The following PKDREJ variants were observed in gnomAD, a reference collection of about 807,000 sequenced individuals.
PKDREJ encodes the protein polycystin family receptor for egg jelly.
For synonymous variants in PKDREJ, 1,031 were observed against 1,095.5 expected, an observed-to-expected ratio of 0.94 and a Z score of 1.16; for missense variants, 2,507 against 2,807.2, an observed-to-expected ratio of 0.89 and a Z score of 2.42.
chr22:46,262,820 G>C lies in PKDREJ; in HGVS notation c.503C>G (p.Ala168Gly). 1 of 1,251,692 alleles carries C rather than the reference G, an allele frequency of 8.0e-7. No individual in the cohort carries two copies. The highest frequency in any genetic ancestry group is 1.0e-6 in the Non-Finnish European group (1 of 991,976). The allele number at this position is 1,251,692 out of a possible 1,614,324, so 77.5% of individuals were successfully genotyped here. A position where few individuals can be genotyped will look rare whatever the true frequency, so the allele number is the denominator to read the frequency against. The change falls in exon 1 of 1, where the codon GCG (alanine) becomes GGG (glycine). Residue 168 changes from alanine (A) to glycine (G), a missense_variant. Transcript: ENST00000253255. This position sits in a 1 kb window ranked among gnomAD's most constrained non-coding sequence, Gnocchi z 8.1. ...PAARVSPRSA[A>G]PGPRPQQGFV... The stretch of plus-strand genomic sequence containing the variant: ...GCCCTGCTGGGGCCGCGGGCCTGGC[G>C]CGGCGGAGCGCGGGGAGACGCGGGC...
Position 46,262,374 on chromosome 22 carries a change from T to G in PKDREJ, c.949A>C (p.Lys317Gln). 2.5e-6 allele frequency: 4 copies of G among 1,614,156 alleles called. No individual in the cohort carries two copies. Among genetic ancestry groups the G allele is most frequent in the Non-Finnish European group, 3.4e-6 (4 of 1,180,022 alleles). Residue 317 changes from lysine (K) to glutamine (Q), a missense_variant, in exon 1 of 1, where the codon AAG becomes CAG. Physicochemically the swap from Lys to Gln is moderately conservative, Grantham distance 53 (BLOSUM62 1). Coordinates refer to ENST00000253255, the MANE Select transcript of PKDREJ (RefSeq NM_006071.2). This position sits in a 1 kb window ranked among gnomAD's most constrained non-coding sequence, Gnocchi z 8.1. ...FTVSITTGNP[K>Q]MPEVKDSDAV... is the part of the protein sequence containing the mutation. ...TCCGAGTCTTTCACCTCGGGCATCT[T>G]GGGGTTCCCTGTGGTGATGGACACC...
rs747011145 is a variant in PKDREJ, at chr22:46,258,282, G to C, written c.5041C>G (p.Arg1681Gly). The change falls in exon 1 of 1, where the codon CGA becomes GGA. Residue 1681 changes from arginine to glycine, a missense_variant. Coordinates refer to ENST00000253255, the MANE Select transcript of PKDREJ (RefSeq NM_006071.2). The surrounding 1 kb of genome is among the most constrained non-coding windows in gnomAD (Gnocchi z 6.1). ...QRIHDQIVRI[R>G]GTRMYQPLTE... ...AGGGGTTGGTACATCCTCGTGCCTC[G>C]GATTCGGACGATCTGGTCATGTATC... The C allele has an allele frequency of 6.2e-7, 1 of 1,614,138 alleles. No individual in the cohort carries two copies. Among genetic ancestry groups the C allele is most frequent in the South Asian group, 1.1e-5 (1 of 91,076 alleles).
rs1936706463 is a variant in PKDREJ at position 46,262,337 on chromosome 22, A to T, written c.986T>A (p.Val329Asp). 6.2e-7 allele frequency: 1 copy of T among 1,614,084 alleles called. No individual in the cohort carries two copies. Among genetic ancestry groups the T allele is most frequent in the Non-Finnish European group, 8.5e-7 (1 of 1,180,046 alleles). The change falls in exon 1 of 1, where the codon GTC becomes GAC. Residue 329 changes from valine (V) to aspartate (D), a missense_variant. Coordinates refer to ENST00000253255, the MANE Select transcript of PKDREJ (RefSeq NM_006071.2). This position sits in a 1 kb window ranked among gnomAD's most constrained non-coding sequence, Gnocchi z 8.1. ...PEVKDSDAVYVWIVRSSLQAV... is the reference protein window; with the variant it reads ...PEVKDSDAVYDWIVRSSLQAV... Reference sequence around the variant, plus strand: ...CTGCAGGGAACTCCTGACGATCCAGACATAGACGGCGTCCGAGTCTTTCAC... The same window carrying T: ...CTGCAGGGAACTCCTGACGATCCAGTCATAGACGGCGTCCGAGTCTTTCAC...
chr22:46,259,906 C>T lies in PKDREJ; in HGVS notation c.3417G>A (p.Arg1139=), dbSNP rs1253728176. Residue 1139 remains arginine (R), a synonymous_variant, in exon 1 of 1, where the codon AGG becomes AGA. Transcript: ENST00000253255. This position sits in a 1 kb window ranked among gnomAD's most constrained non-coding sequence, Gnocchi z 6.8. The part of the protein sequence containing the change: ...EVHCICKNVV[R]ARRQLGTIGL... The stretch of plus-strand genomic sequence containing the variant: ...CGATTGTGCCCAGCTGCCGCCTAGC[C>T]CTTACTACATTCTTGCAGATGCAGT... 5 of 1,613,778 alleles carry T rather than the reference C, an allele frequency of 3.1e-6. No homozygotes were observed. The highest frequency in any genetic ancestry group is 1.1e-5 in the South Asian group (1 of 91,070).
chr22:46,263,243 G>A lies in PKDREJ; in HGVS notation c.80C>T (p.Pro27Leu). The change falls in exon 1 of 1, where the codon CCT becomes CTT. Residue 27 changes from proline to leucine, a missense_variant. Coordinates refer to ENST00000253255, the MANE Select transcript of PKDREJ (RefSeq NM_006071.2). This position sits in a 1 kb window ranked among gnomAD's most constrained non-coding sequence, Gnocchi z 9.4. The part of the protein sequence containing the change: ...SVGRLPLPPV[P>L]RGAQAAVSGA... ...GGAGACGGCGGCTTGTGCCCCGCGA[G>A]GAACCGGCGGCAGCGGGAGGCGGCC... The A allele has an allele frequency of 6.1e-6, 9 of 1,465,286 alleles. No homozygotes were observed. Among genetic ancestry groups the A allele is most frequent in the Non-Finnish European group, 8.1e-6 (9 of 1,115,848 alleles). 90.8% of individuals were successfully genotyped at this position (1,465,286 alleles called of 1,614,324 possible).
chr22:46,259,433 C>T lies in PKDREJ; in HGVS notation c.3890G>A (p.Arg1297His), dbSNP rs558518913. 29 of 1,614,180 alleles carry T rather than the reference C, an allele frequency of 1.8e-5. No individual in the cohort carries two copies. Among genetic ancestry groups the T allele is most frequent in the African/African-American group, 1.7e-4 (13 of 75,032 alleles). ...TCGACCCTCGTTGTTGTGCCACACACGGATGGAATGGATGTCCCCCAAGTC... is the reference window on the plus strand; with the variant it reads ...TCGACCCTCGTTGTTGTGCCACACATGGATGGAATGGATGTCCCCCAAGTC... ...KSDLGDIHSI[R>H]VWHNNEGRSP... is the part of the protein sequence containing the mutation. The change falls in exon 1 of 1, where the codon CGT becomes CAT. Residue 1297 changes from arginine to histidine, a missense_variant. Transcript: ENST00000253255. This position sits in a 1 kb window ranked among gnomAD's most constrained non-coding sequence, Gnocchi z 6.8.
Position 46,260,380 on chromosome 22 carries a change from C to T in PKDREJ, c.2943G>A (p.Thr981=), listed in dbSNP as rs758657373. The change falls in exon 1 of 1, where the codon ACG becomes ACA. Residue 981 remains threonine, a synonymous_variant. Transcript: ENST00000253255. The surrounding 1 kb of genome is among the most constrained non-coding windows in gnomAD (Gnocchi z 4.5). ...CCACTTGAAAGCTAAACCCACCTGTCGTCTTCTTCAAGGACCCATCAACCT... is the reference window on the plus strand; with the variant it reads ...CCACTTGAAAGCTAAACCCACCTGTTGTCTTCTTCAAGGACCCATCAACCT... ...NSEVDGSLKK[T]TGGFSFQVDS... 1.1e-5 allele frequency: 17 copies of T among 1,614,192 alleles called. No homozygotes were observed. The highest frequency in any genetic ancestry group is 3.3e-5 in the South Asian group (3 of 91,086).
In PKDREJ at chr22:46,261,366, C is replaced by A. The variant is rs748822411; in HGVS notation, c.1957G>T (p.Asp653Tyr). 3.1e-6 allele frequency: 5 copies of A among 1,613,890 alleles called. No homozygotes were observed. The highest frequency in any genetic ancestry group is 4.2e-6 in the Non-Finnish European group (5 of 1,180,020). The part of the protein sequence containing the change: ...YGLKIYAQVY[D>Y]SLGAFSQVTL... ...ACCTGAGAAAAAGCTCCTAGAGAAT[C>A]ATAGACCTGGGCATATATCTTCAAG... Residue 653 changes from aspartate (D) to tyrosine (Y), a missense_variant, in exon 1 of 1, where the codon GAT becomes TAT. By Grantham distance (160) the Asp-to-Tyr change is radical (BLOSUM62 -3). Coordinates refer to ENST00000253255, the MANE Select transcript of PKDREJ (RefSeq NM_006071.2). This position sits in a 1 kb window ranked among gnomAD's most constrained non-coding sequence, Gnocchi z 7.1.
rs770106827 is a variant in PKDREJ, at chr22:46,257,810, G to A, written c.5513C>T (p.Ser1838Phe). 1 of 1,614,148 alleles carries A rather than the reference G, an allele frequency of 6.2e-7. No homozygotes were observed. The highest frequency in any genetic ancestry group is 8.5e-7 in the Non-Finnish European group (1 of 1,180,012). Residue 1838 changes from serine (S) to phenylalanine (F), a missense_variant, in exon 1 of 1, where the codon TCT becomes TTT. Ser to Phe is a radical substitution (Grantham distance 155). Transcript: ENST00000253255. The surrounding 1 kb of genome is among the most constrained non-coding windows in gnomAD (Gnocchi z 4.7). ...CTTATCAACTTCATTCCAAAAGCCA[G>A]AATAGTTTTTTGTGTCTTCTGGGTC... Reference protein sequence around the residue: ...GIDPEDTKNYSGFWNEVDKQA... With the variant: ...GIDPEDTKNYFGFWNEVDKQA...
chr22:46,263,057 T>C lies in PKDREJ; in HGVS notation c.266A>G (p.Tyr89Cys). 2 of 1,335,234 alleles carry C rather than the reference T, an allele frequency of 1.5e-6. No individual in the cohort carries two copies. The highest frequency in any genetic ancestry group is 1.9e-6 in the Non-Finnish European group (2 of 1,032,384). The allele number at this position is 1,335,234 out of a possible 1,614,324, so 82.7% of individuals were successfully genotyped here. ...FPHGGTGRRW[Y>C]CLDLRVLLSA... ...GAGCAGGACGCGCAAGTCGAGGCAGTACCAGCGCCGCCCGGTCCCGCCATG... is the reference window on the plus strand; with the variant it reads ...GAGCAGGACGCGCAAGTCGAGGCAGCACCAGCGCCGCCCGGTCCCGCCATG... Residue 89 changes from tyrosine to cysteine, a missense_variant, in exon 1 of 1, where the codon TAC (tyrosine) becomes TGC (cysteine). Tyr to Cys is a radical substitution (Grantham distance 194). Coordinates refer to ENST00000253255, the MANE Select transcript of PKDREJ (RefSeq NM_006071.2). The surrounding 1 kb of genome is among the most constrained non-coding windows in gnomAD (Gnocchi z 9.4).
At position 46,261,965 on chromosome 22, in the gene PKDREJ, C is replaced by T. The variant is rs754247900; in HGVS notation, c.1358G>A (p.Gly453Glu). The change falls in exon 1 of 1, where the codon GGA becomes GAA. Residue 453 changes from glycine (G) to glutamate (E), a missense_variant. Physicochemically the swap from Gly to Glu is moderately conservative, Grantham distance 98. Coordinates refer to ENST00000253255, the MANE Select transcript of PKDREJ (RefSeq NM_006071.2). The surrounding 1 kb of genome is among the most constrained non-coding windows in gnomAD (Gnocchi z 7.1). ...FSDKRVHVLQ[G>E]PKAIAHITCI... ...TGTGATGTGTGCTATGGCTTTTGGTCCTTGGAGCACGTGGACCCTCTTATC... is the reference window on the plus strand; with the variant it reads ...TGTGATGTGTGCTATGGCTTTTGGTTCTTGGAGCACGTGGACCCTCTTATC... 3.7e-6 allele frequency: 6 copies of T among 1,614,096 alleles called. No individual in the cohort carries two copies. The highest frequency in any genetic ancestry group is 8.5e-7 in the Non-Finnish European group (1 of 1,180,014).
chr22:46,260,175 C>T lies in PKDREJ; in HGVS notation c.3148G>A (p.Val1050Met), dbSNP rs1162582819. ...AGGCAGACTACACGGGCCTTCTTCA[C>T]TGTGCAGGCTGGGTCAAACAGGGCA... ...QSALFDPACT[V>M]KKARVVCLPV... The change falls in exon 1 of 1, where the codon GTG becomes ATG. Residue 1050 changes from valine to methionine, a missense_variant. Transcript: ENST00000253255. The surrounding 1 kb of genome is among the most constrained non-coding windows in gnomAD (Gnocchi z 4.5). The T allele has an allele frequency of 2.5e-6, 4 of 1,614,032 alleles. No homozygotes were observed. In the Admixed American group the frequency reaches 5.0e-5, roughly 20 times the overall value.
At position 46,260,384 on chromosome 22, in the gene PKDREJ, T is replaced by G; in HGVS notation, c.2939A>C (p.Lys980Thr). The G allele has an allele frequency of 6.2e-7, 1 of 1,614,230 alleles. No homozygotes were observed. The highest frequency in any genetic ancestry group is 1.1e-5 in the South Asian group (1 of 91,086). Residue 980 changes from lysine (K) to threonine (T), a missense_variant, in exon 1 of 1, where the codon AAG (lysine) becomes ACG (threonine). By Grantham distance (78) the Lys-to-Thr change is moderately conservative. Coordinates refer to ENST00000253255, the MANE Select transcript of PKDREJ (RefSeq NM_006071.2). The surrounding 1 kb of genome is among the most constrained non-coding windows in gnomAD (Gnocchi z 4.5). ...PNSEVDGSLK[K>T]TTGGFSFQVD... is the part of the protein sequence containing the mutation. ...TTGAAAGCTAAACCCACCTGTCGTC[T>G]TCTTCAAGGACCCATCAACCTCGCT...
chr22:46,257,662 T>C lies in PKDREJ; in HGVS notation c.5661A>G (p.Pro1887=). Residue 1887 remains proline, a synonymous_variant, in exon 1 of 1, where the codon CCA becomes CCG. Transcript: ENST00000253255. This position sits in a 1 kb window ranked among gnomAD's most constrained non-coding sequence, Gnocchi z 4.7. The part of the protein sequence containing the change: ...GSGGYALYFF[P]EQQRFNSTLR... ...GTGTGGAATTAAACCGCTGCTGTTC[T>C]GGAAAAAAATAGAGTGCATATCCTC... is the stretch of plus-strand genomic sequence containing the variant. 1 of 1,614,132 alleles carries C rather than the reference T, an allele frequency of 6.2e-7. No homozygotes were observed. Among genetic ancestry groups the C allele is most frequent in the Non-Finnish European group, 8.5e-7 (1 of 1,180,010 alleles).
Position 46,255,988 on chromosome 22 carries a change from G to A in PKDREJ, c.*573C>T, listed in dbSNP as rs1936627482. 6.6e-6 allele frequency: 1 copy of A among 152,358 alleles called. No homozygotes were observed. The highest frequency in any genetic ancestry group is 1.5e-5 in the Non-Finnish European group (1 of 68,202). The allele number at this position is 152,358 out of a possible 1,614,324, so 9.4% of individuals were successfully genotyped here. A position where few individuals can be genotyped will look rare whatever the true frequency, so the allele number is the denominator to read the frequency against. ...TACCAGTAGCTTTAAGAATAAATGA[G>A]AAGCACCACATCTGCATTCTCAAGC... On this transcript the variant is annotated 3_prime_UTR_variant, in exon 1 of 1. Coordinates refer to ENST00000253255, the MANE Select transcript of PKDREJ (RefSeq NM_006071.2).
rs1443571406 is a variant in PKDREJ, at chr22:46,257,770, C to T, written c.5553G>A (p.Glu1851=). The change falls in exon 1 of 1, where the codon GAG becomes GAA. Residue 1851 remains glutamate (E), a synonymous_variant. Coordinates refer to ENST00000253255, the MANE Select transcript of PKDREJ (RefSeq NM_006071.2). This position sits in a 1 kb window ranked among gnomAD's most constrained non-coding sequence, Gnocchi z 4.7. The stretch of plus-strand genomic sequence containing the variant: ...GCTTATAAGTAAATCCATTGGTACT[C>T]TCATCTATAGCCTGCTTATCAACTT... The part of the protein sequence containing the change: ...WNEVDKQAID[E]STNGFTYKPQ... The T allele has an allele frequency of 5.0e-6, 8 of 1,614,036 alleles. No homozygotes were observed. The highest frequency in any genetic ancestry group is 4.0e-5 in the African/African-American group (3 of 74,936).
At position 46,261,343 on chromosome 22, in the gene PKDREJ, C is replaced by A. The variant is rs1274793447; in HGVS notation, c.1980G>T (p.Gln660His). 1 of 1,613,762 alleles carries A rather than the reference C, an allele frequency of 6.2e-7. No individual in the cohort carries two copies. Among genetic ancestry groups the A allele is most frequent in the Admixed American group, 1.7e-5 (1 of 60,008 alleles). Residue 660 changes from glutamine (Q) to histidine (H), a missense_variant, in exon 1 of 1, where the codon CAG (glutamine) becomes CAT (histidine). Gln to His is a conservative substitution (Grantham distance 24). Coordinates refer to ENST00000253255, the MANE Select transcript of PKDREJ (RefSeq NM_006071.2). The surrounding 1 kb of genome is among the most constrained non-coding windows in gnomAD (Gnocchi z 7.1). Reference protein sequence around the residue: ...QVYDSLGAFSQVTLHATAQAP... With the variant: ...QVYDSLGAFSHVTLHATAQAP... ...CCTGTGCGGTGGCATGCAAAGTCAC[C>A]TGAGAAAAAGCTCCTAGAGAATCAT...
rs1170888165 is a variant in PKDREJ, at chr22:46,263,107, G to A, written c.216C>T (p.Ser72=). The A allele has an allele frequency of 4.6e-6, 6 of 1,296,452 alleles. No individual in the cohort carries two copies. The highest frequency in any genetic ancestry group is 3.7e-5 in the East Asian group (1 of 26,688). 80.3% of individuals were successfully genotyped at this position (1,296,452 alleles called of 1,614,324 possible). A position where few individuals can be genotyped will look rare whatever the true frequency, so the allele number is the denominator to read the frequency against. ...SAVRAGGAVL[S]GRGSLCFPHG... ...GGGGGAAGCAGAGGCTGCCGCGGCC[G>A]CTCAGGACAGCGCCGCCCGCCCGCA... The change falls in exon 1 of 1, where the codon AGC becomes AGT. Residue 72 remains serine, a synonymous_variant. Transcript: ENST00000253255. This position sits in a 1 kb window ranked among gnomAD's most constrained non-coding sequence, Gnocchi z 9.4.
At position 46,263,007 on chromosome 22, in the gene PKDREJ, C is replaced by A; in HGVS notation, c.316G>T (p.Ala106Ser). The A allele has an allele frequency of 8.0e-7, 1 of 1,256,580 alleles. No homozygotes were observed. Among genetic ancestry groups the A allele is most frequent in the Non-Finnish European group, 1.0e-6 (1 of 992,998 alleles). The allele number at this position is 1,256,580 out of a possible 1,614,324, so 77.8% of individuals were successfully genotyped here. The part of the protein sequence containing the change: ...LLSAQRLPWP[A>S]APALALVDLQ... ...TCGACGAGCGCGAGCGCGGGCGCGG[C>A]CGGCCAGGGCAGGCGTTGGGCGCTG... Residue 106 changes from alanine (A) to serine (S), a missense_variant, in exon 1 of 1, where the codon GCC becomes TCC. Ala to Ser is a moderately conservative substitution (Grantham distance 99, BLOSUM62 1). Transcript: ENST00000253255. The surrounding 1 kb of genome is among the most constrained non-coding windows in gnomAD (Gnocchi z 9.4).
Sources: gnomAD v4.1 joint callset for allele counts on GRCh38, gnomAD v4.1.1 for gene constraint, Gnocchi (gnomAD v3.1) non-coding constraint, MANE v1.5 for transcripts, NCBI Gene and HGNC (gene_info 2026-07-23, HGNC 2026-07-21) for gene names.